NHSL1: variants seen among roughly 807,000 people sequenced by gnomAD.
NHSL1 encodes the protein NHS like 1.
NHSL1 carries 48 observed loss-of-function variants against 95.0 expected under a neutral mutation model. The observed-to-expected ratio is 0.51, with a 90% CI of 0.40 to 0.64. The LOEUF is 0.64. Ranked by LOEUF, NHSL1 falls within the 30% of genes least tolerant of loss-of-function variation. NHSL1 has a pLI of 0.00. For synonymous variants in NHSL1, 783 were observed against 833.9 expected (o/e 0.94, Z 1.05); for missense variants, 1,971 against 2,077.7 (o/e 0.95, Z 1.00).
intron 1 of NHSL1, among the ~76,000 whole-genome samples, chr6:138,586,864 C>T (rs758003018): frequency 2.6e-5 from 4 of 151,996 alleles, no homozygotes; most frequent in Non-Finnish European, 4.4e-5. Flanking sequence ...ACTGAAACTG[C>T]ATCAGTGCTT....
upstream of NHSL1, among the ~76,000 whole-genome samples, chr6:138,576,764 G>A (rs898201520): frequency 6.6e-6 from 1 of 152,194 alleles, no homozygotes. Flanking sequence ...ATGGCTGGAG[G>A]AGCAGACCCT....
In NHSL1 at chr6:138,432,033, C is replaced by T; in HGVS notation, c.2312G>A (p.Ser771Asn). 1 of 1,551,768 alleles carries T rather than the reference C, an allele frequency of 6.4e-7. No individual in the cohort carries two copies. Among genetic ancestry groups the T allele is most frequent in the Non-Finnish European group, 8.7e-7 (1 of 1,147,004 alleles). ...GGGGTCCGTGTACTCTGACTTGACGCTGCTTGTGTCACTCTGCGATGGCGT... is the reference window on the plus strand; with the variant it reads ...GGGGTCCGTGTACTCTGACTTGACGTTGCTTGTGTCACTCTGCGATGGCGT... ...GATPSQSDTSSVKSEYTDPWG... is the reference protein window; with the variant it reads ...GATPSQSDTSNVKSEYTDPWG... Residue 771 changes from serine to asparagine, a missense_variant, in exon 6 of 8, where the codon AGC becomes AAC. Ser to Asn is a conservative substitution (Grantham distance 46). Transcript: ENST00000343505. This position sits in a 1 kb window ranked among gnomAD's most constrained non-coding sequence, Gnocchi z 4.4.
At chr6:138,650,264 C>G (rs1202564801) in intron 1 of NHSL1, 6 of 648,622 alleles carry the variant, frequency 9.3e-6, no homozygotes, top group African/African-American at 1.8e-5. Context: ...AGTGGAAAAG[C>G]AGGCTGGAGC....
chr6:138,666,805 G>C (rs781285890), intron 1 of NHSL1, among the ~76,000 whole-genome samples: 7 of 152,106 alleles, frequency 4.6e-5, no homozygotes, highest in Non-Finnish European at 1.0e-4. Flanking sequence ...CTCAAATGTT[G>C]ACGATGACTC....
At chr6:138,531,837 G>T (rs1449626767) in intron 1 of NHSL1, among the ~76,000 whole-genome samples, 2 of 152,106 alleles carry the variant, frequency 1.3e-5, no homozygotes, top group African/African-American at 4.8e-5. Context: ...TATTAAACCA[G>T]ATGATACACC....
intron 3 of NHSL1, among the ~76,000 whole-genome samples, chr6:138,472,493 T>C (rs1778817782): frequency 6.6e-6 from 1 of 151,956 alleles, no homozygotes; most frequent in Admixed American, 6.6e-5. Context: ...TTTTGAATAA[T>C]GTTCTCCAAT....
At chr6:138,547,049 C>G (rs1184230236), upstream of NHSL1, among the ~76,000 whole-genome samples, 1 of 152,178 alleles carries the variant, frequency 6.6e-6, no homozygotes, top group African/African-American at 2.4e-5. Context: ...GCAGGTCTTC[C>G]TTTTGACTCC....
chr6:138,433,079 G>A lies in NHSL1; in HGVS notation c.1266C>T (p.Ser422=), dbSNP rs1213368135. The part of the protein sequence containing the change: ...IIPNATLSSS[S]EVIAIPTAQS... ...GAGCAGTGGGAATAGCGATGACCTC[G>A]GAAGAGGAAGACAGTGTGGCATTTG... The change falls in exon 6 of 8, where the codon TCC becomes TCT. Residue 422 remains serine, a synonymous_variant. Transcript: ENST00000343505. 19 of 1,550,902 alleles carry A rather than the reference G, an allele frequency of 1.2e-5. No individual in the cohort carries two copies. The highest frequency in any genetic ancestry group is 7.3e-5 in the East Asian group (3 of 40,916).
chr6:138,559,239 C>T (rs867814961), intron 1 of NHSL1, among the ~76,000 whole-genome samples: 2 of 152,194 alleles, frequency 1.3e-5, no homozygotes, highest in African/African-American at 4.8e-5. Flanking sequence ...GAGAAATCTA[C>T]AGGATCAGGG....
chr6:138,545,664 GTGCTCTGTGGTCTGATGAAGCC>G, exon 1 of NHSL1: 1 of 1,289,320 alleles, frequency 7.8e-7, no homozygotes, highest in Non-Finnish European at 1.0e-6. Flanking sequence ...TGGAGGGGCT[GTGCTCTGTGGTCTGATGAAGCC>G]TGCAGTGCTA....
intron 1 of NHSL1, among the ~76,000 whole-genome samples, chr6:138,669,202 C>T (rs1484051126): frequency 4.0e-5 from 6 of 151,888 alleles, no homozygotes; most frequent in Non-Finnish European, 8.8e-5. Context: ...GCAAAGGGGG[C>T]GAACTGAACA....
chr6:138,583,785 G>A lies in NHSL1; in HGVS notation c.97-87414C>T, dbSNP rs146118783. Reference sequence around the variant, plus strand: ...CTAATCTGGCTTGATTAGATACAGAGCCAGAGAGCATATATTTTAAGGCTT... The same window carrying A: ...CTAATCTGGCTTGATTAGATACAGAACCAGAGAGCATATATTTTAAGGCTT... On this transcript the variant is annotated intron_variant, in intron 1 of 3. Coordinates refer to the NHSL1 transcript ENST00000491526. Among the ~76,000 whole-genome samples the A allele has an allele frequency of 1.9e-3, 292 of 152,250 alleles. 3 individuals are homozygous for A. Among genetic ancestry groups the A allele is most frequent in the East Asian group, 0.014 (71 of 5,172 alleles).
In NHSL1 at chr6:138,437,445, CAAA is replaced by C. The variant is rs1202687511; in HGVS notation, c.665-3768_665-3766del. Among the ~76,000 whole-genome samples the C allele has an allele frequency of 6.3e-4, 39 of 61,806 alleles. 2 individuals carry two copies. Among genetic ancestry groups the C allele is most frequent in the African/African-American group, 1.5e-3 (24 of 15,848 alleles). The allele number at this position is 61,806 out of a possible 152,430, so 40.5% of individuals were successfully genotyped here. A position where few individuals can be genotyped will look rare whatever the true frequency, so the allele number is the denominator to read the frequency against. ...ACACACACACACACACACACACACA[CAAA>C]AAAAAAAAAAAAAAATACAATGCAC... On this transcript the variant is annotated intron_variant, in intron 5 of 7. Coordinates refer to ENST00000343505, the MANE Select transcript of NHSL1 (RefSeq NM_001144060.2).
At chr6:138,485,970 G>T (rs1029347380) in intron 2 of NHSL1, among the ~76,000 whole-genome samples, 1 of 151,996 alleles carries the variant, frequency 6.6e-6, no homozygotes, top group African/African-American at 2.4e-5. Context: ...TTGCAAGCAA[G>T]GCTCCCACAC....
At chr6:138,483,574 C>T (rs1162632055) in intron 2 of NHSL1, among the ~76,000 whole-genome samples, 6 of 152,218 alleles carry the variant, frequency 3.9e-5, no homozygotes, top group African/African-American at 1.4e-4. Context: ...GGGAAAACTT[C>T]CTGATCAGGC....
upstream of NHSL1, among the ~76,000 whole-genome samples, chr6:138,576,660 G>C (rs544023693): frequency 1.3e-5 from 2 of 152,302 alleles, no homozygotes; most frequent in African/African-American, 2.4e-5. Context: ...ATAAAAGGCA[G>C]AGCCTCTGTG....
At chr6:138,638,245 G>T (rs1170100224) in intron 1 of NHSL1, among the ~76,000 whole-genome samples, 1 of 152,060 alleles carries the variant, frequency 6.6e-6, no homozygotes, top group Non-Finnish European at 1.5e-5. Flanking sequence ...ATGGTTAATA[G>T]GTATAAAAAA....
At chr6:138,621,836 C>T (rs773648744) in intron 1 of NHSL1, among the ~76,000 whole-genome samples, 5 of 152,234 alleles carry the variant, frequency 3.3e-5, no homozygotes, top group Non-Finnish European at 7.3e-5. Context: ...CCCACTGTCA[C>T]TGTCACAGAA....
chr6:138,684,600 G>A (rs535512395), intron 1 of NHSL1, among the ~76,000 whole-genome samples: 22 of 151,916 alleles, frequency 1.4e-4, no homozygotes, highest in South Asian at 2.1e-4. Context: ...AGCCAAGATC[G>A]CGCCACTGCA....
Sources: allele counts gnomAD v4.1 joint callset (sites outside exome capture counted in the v4.1 genomes callset), GRCh38; gene constraint gnomAD v4.1.1; non-coding constraint Gnocchi (gnomAD v3.1); transcripts MANE v1.5; gene names NCBI Gene and HGNC (gene_info 2026-07-23, HGNC 2026-07-21).